The following JRK variants were observed in gnomAD, a reference collection of about 807,000 sequenced individuals.
JRK encodes the protein jerky protein homolog.
For synonymous variants in JRK, 303 were observed against 218.1 expected, an observed-to-expected ratio of 1.39 and a Z score of -3.43; for missense variants, 720 against 509.2, an observed-to-expected ratio of 1.41 and a Z score of -3.98.
chr8:142,649,035 T>C, the JRK span, among the ~76,000 whole-genome samples: 2 of 152,228 alleles, frequency 1.3e-5, no homozygotes, highest in African/African-American at 2.4e-5. Context: ...GCATAGGGCC[T>C]GTTTCAGCCA....
In JRK at chr8:142,664,259, C is replaced by T. The variant is rs1847008369; in HGVS notation, c.*93G>A. The T allele has an allele frequency of 2.1e-6, 3 of 1,447,878 alleles. No individual in the cohort carries two copies. Among genetic ancestry groups the T allele is most frequent in the Admixed American group, 5.7e-5 (2 of 35,268 alleles). 89.7% of individuals were successfully genotyped at this position (1,447,878 alleles called of 1,614,324 possible). ...GGGCTCTTGAGTGTCTGCACATGCC[C>T]TCCTGCCTCAGGTGGGGTCGGGGCA... On this transcript the variant is annotated 3_prime_UTR_variant, in exon 2 of 2. Coordinates refer to ENST00000612905, the MANE Select transcript of JRK (RefSeq NM_003724.4).
At chr8:142,650,294 G>A in the JRK span, among the ~76,000 whole-genome samples, 3 of 151,636 alleles carry the variant, frequency 2.0e-5, no homozygotes, top group African/African-American at 7.3e-5. Context: ...ACTTTGGACT[G>A]TGGAGTTTTG....
At chr8:142,648,235 G>A in the JRK span, among the ~76,000 whole-genome samples, 1 of 152,256 alleles carries the variant, frequency 6.6e-6, no homozygotes, top group Non-Finnish European at 1.5e-5. Context: ...ATTTTCTGAG[G>A]AGAAATTCAA....
chr8:142,662,783 C>G lies in JRK; in HGVS notation c.*1569G>C, dbSNP rs971118392. On this transcript the variant is annotated 3_prime_UTR_variant, in exon 2 of 2. Transcript: ENST00000612905. ...TCAACAGCAGACGCTGGAATGCAAA[C>G]TACGTGCTGACTCGGCCAAATGATA... 3.2e-5 allele frequency: 32 copies of G among 985,356 alleles called. No homozygotes were observed. In the African/African-American group the frequency reaches 4.5e-4, roughly 14 times the overall value. 61.0% of individuals were successfully genotyped at this position (985,356 alleles called of 1,614,324 possible). A position where few individuals can be genotyped will look rare whatever the true frequency, so the allele number is the denominator to read the frequency against.
the JRK span, among the ~76,000 whole-genome samples, chr8:142,651,544 T>A: frequency 3.6e-5 from 3 of 84,148 alleles, no homozygotes; most frequent in East Asian, 8.9e-4. Flanking sequence ...ATCAATCTTT[T>A]TTTTTTTTTT....
chr8:142,668,995 C>T (rs1175837519), intron 1 of JRK, among the ~76,000 whole-genome samples: 1 of 151,956 alleles, frequency 6.6e-6, no homozygotes, highest in Non-Finnish European at 1.5e-5. Context: ...CACTGATCCC[C>T]AAGGCCACGT....
At position 142,665,996 on chromosome 8, in the gene JRK, T is replaced by A. The variant is rs587662465; in HGVS notation, c.63A>T (p.Thr21=). ...RGEKRKRVVL[T]LKEKIDICTR... ...TGCAGATGTCAATCTTCTCCTTCAG[T>A]GTCAGCACCACCCTCTTCCGCTTCT... The change falls in exon 2 of 2, where the codon ACA becomes ACT. Residue 21 remains threonine (T), a synonymous_variant. Coordinates refer to ENST00000612905, the MANE Select transcript of JRK (RefSeq NM_003724.4). The A allele has an allele frequency of 1.5e-6, 2 of 1,325,352 alleles. No individual in the cohort carries two copies. Among genetic ancestry groups the A allele is most frequent in the Admixed American group, 1.7e-5 (1 of 59,692 alleles). 82.1% of individuals were successfully genotyped at this position (1,325,352 alleles called of 1,614,324 possible).
At chr8:142,652,133 T>C in the JRK span, among the ~76,000 whole-genome samples, 1 of 152,130 alleles carries the variant, frequency 6.6e-6, no homozygotes. Flanking sequence ...GTTTGAGCCA[T>C]AAAGATAACT....
At position 142,659,757 on chromosome 8, in the gene JRK, C is replaced by T. The variant is rs1454779316; in HGVS notation, c.*4595G>A. On this transcript the variant is annotated 3_prime_UTR_variant, in exon 2 of 2. Transcript: ENST00000612905. ...TGCTCAAGGTCATGCAGCTGGTGAA[C>T]AGCAGGGAGTGAGCAGTGGAGAACG... 3.6e-5 allele frequency: 35 copies of T among 985,362 alleles called. No homozygotes were observed. The highest frequency in any genetic ancestry group is 3.9e-5 in the Non-Finnish European group (32 of 829,982). The allele number at this position is 985,362 out of a possible 1,614,324, so 61.0% of individuals were successfully genotyped here.
downstream of JRK, among the ~76,000 whole-genome samples, chr8:142,653,894 A>T (rs1293252711): frequency 6.6e-6 from 1 of 152,152 alleles, no homozygotes; most frequent in Non-Finnish European, 1.5e-5. Context: ...AGGCTGATTT[A>T]AGTAATAAGA....
the JRK span, among the ~76,000 whole-genome samples, chr8:142,651,822 A>T: frequency 6.6e-6 from 1 of 152,184 alleles, no homozygotes; most frequent in South Asian, 2.1e-4. Flanking sequence ...ACCTCAATTC[A>T]GTTACTTACC....
At chr8:142,644,780 ATTTG>A in the JRK span, among the ~76,000 whole-genome samples, 39 of 152,322 alleles carry the variant, frequency 2.6e-4, no homozygotes, top group Middle Eastern at 3.4e-3. Flanking sequence ...AGCCAATTAC[ATTTG>A]TTTTTCAAAA....
Position 142,664,039 on chromosome 8 carries a change from A to G in JRK, c.*313T>C. On this transcript the variant is annotated 3_prime_UTR_variant, in exon 2 of 2. Coordinates refer to ENST00000612905, the MANE Select transcript of JRK (RefSeq NM_003724.4). ...GATCAGCCAGCGAACACGAGACCAG[A>G]TCGGCTCAGCCTGGCCCCCATTCCA... The G allele has an allele frequency of 8.5e-7, 1 of 1,171,486 alleles. No homozygotes were observed. The highest frequency in any genetic ancestry group is 1.1e-6 in the Non-Finnish European group (1 of 947,908). 72.6% of individuals were successfully genotyped at this position (1,171,486 alleles called of 1,614,324 possible). A position where few individuals can be genotyped will look rare whatever the true frequency, so the allele number is the denominator to read the frequency against.
At position 142,663,676 on chromosome 8, in the gene JRK, G is replaced by GC. The variant is rs1211767576; in HGVS notation, c.*675dup. 1.0e-6 allele frequency: 1 copy of GC among 985,310 alleles called. No individual in the cohort carries two copies. The highest frequency in any genetic ancestry group is 1.2e-6 in the Non-Finnish European group (1 of 829,936). 61.0% of individuals were successfully genotyped at this position (985,310 alleles called of 1,614,324 possible). A position where few individuals can be genotyped will look rare whatever the true frequency, so the allele number is the denominator to read the frequency against. On this transcript the variant is annotated 3_prime_UTR_variant, in exon 2 of 2. Coordinates refer to ENST00000612905, the MANE Select transcript of JRK (RefSeq NM_003724.4). ...CTCTACCAAGTCAACTCTCCGTGGG[G>GC]CCCCCCAACATCTTGGGGCCAGAGC...
rs112508041 is a variant in JRK at position 142,666,571 on chromosome 8, C to T, written c.-462-51G>A. 74 of 227,554 alleles carry T rather than the reference C, an allele frequency of 3.3e-4. 1 individual carries two copies. The highest frequency in any genetic ancestry group is 3.6e-3 in the Middle Eastern group (2 of 560). 14.1% of individuals were successfully genotyped at this position (227,554 alleles called of 1,614,324 possible). ...AAAGTGATGGGGCGCGCCCAGGACA[C>T]ACATGGCGTCCTCACGACTCTCCTC... On this transcript the variant is annotated intron_variant, in intron 1 of 1. Coordinates refer to ENST00000612905, the MANE Select transcript of JRK (RefSeq NM_003724.4).
the JRK span, among the ~76,000 whole-genome samples, chr8:142,644,851 C>A: frequency 1.0e-3 from 153 of 152,190 alleles, no homozygotes; most frequent in African/African-American, 3.6e-3. Flanking sequence ...TTTTCATAAG[C>A]CTTTTATAAA....
intron 1 of JRK, among the ~76,000 whole-genome samples, chr8:142,668,621 T>C (rs1311630809): frequency 6.6e-6 from 1 of 151,770 alleles, no homozygotes; most frequent in Admixed American, 6.6e-5. Flanking sequence ...AAAAGCTTCC[T>C]GGAGGAGACT....
chr8:142,652,854 T>G (rs587670983), downstream of JRK, among the ~76,000 whole-genome samples: 1 of 152,306 alleles, frequency 6.6e-6, no homozygotes, highest in Admixed American at 6.5e-5. Context: ...ACAGCCACAT[T>G]TCCTTCTAGG....
At position 142,661,437 on chromosome 8, in the gene JRK, TG is replaced by T. The variant is rs1846913070; in HGVS notation, c.*2914del. ...GCCCTCAGGCCTGAGCACTCAGGGGTGCCACCCCAAAGATGAAGGCAGTGGT... is the reference window on the plus strand; with the variant it reads ...GCCCTCAGGCCTGAGCACTCAGGGGTCCACCCCAAAGATGAAGGCAGTGGT... On this transcript the variant is annotated 3_prime_UTR_variant, in exon 2 of 2. Transcript: ENST00000612905. The T allele has an allele frequency of 8.1e-6, 8 of 985,172 alleles. No homozygotes were observed. Among genetic ancestry groups the T allele is most frequent in the Non-Finnish European group, 7.2e-6 (6 of 829,914 alleles). The allele number at this position is 985,172 out of a possible 1,614,324, so 61.0% of individuals were successfully genotyped here.
Sources: allele counts gnomAD v4.1 joint callset (sites outside exome capture counted in the v4.1 genomes callset), GRCh38; gene constraint gnomAD v4.1.1; transcripts MANE v1.5; gene names NCBI Gene and HGNC (gene_info 2026-07-23, HGNC 2026-07-21).